Variants in NCAPD3 observed in about 807,000 individuals in gnomAD.
NCAPD3 encodes condensin-2 complex subunit D3.
Under a neutral mutation model 182.9 loss-of-function variants are expected in NCAPD3, and 105 were observed. That is an observed-to-expected ratio of 0.57 (90% CI 0.49 to 0.68). NCAPD3 has a LOEUF of 0.68. NCAPD3 is among the 30% of genes least tolerant of loss of function. The probability of loss-of-function intolerance (pLI) is 0.00; values close to 1 mark genes in which losing one functional copy is unlikely to be tolerated. For missense variants in NCAPD3, 1,944 were observed against 1,837.0 expected, an observed-to-expected ratio of 1.06 and a Z score of -1.07; for synonymous variants, 815 against 679.9, an observed-to-expected ratio of 1.20 and a Z score of -3.09.
intron 24 of NCAPD3, among the ~76,000 whole-genome samples, chr11:134,172,649 T>C (rs774177367): frequency 5.9e-5 from 9 of 152,172 alleles, no homozygotes; most frequent in Middle Eastern, 3.2e-3. Context: ...TACTTGGCTG[T>C]TGCCCTGTGA....
Position 134,209,088 on chromosome 11 carries a change from G to A in NCAPD3, c.794+57C>T. 4 of 1,551,960 alleles carry A rather than the reference G, an allele frequency of 2.6e-6. No individual in the cohort carries two copies. The South Asian group carries it at 4.6e-5, about 18-fold the overall frequency. ...TAAAATGGTATTTCCATTTCTGCTG[G>A]AGCAAAAATTGGTACACTATACTTA... On this transcript the variant is annotated intron_variant, in intron 6 of 34. Coordinates refer to ENST00000534548, the MANE Select transcript of NCAPD3 (RefSeq NM_015261.3).
chr11:134,224,426 G>A (rs1938372471), upstream of NCAPD3: 1 of 170,462 alleles, frequency 5.9e-6, no homozygotes, highest in Non-Finnish European at 1.3e-5. Context: ...GTAGCCGAAA[G>A]CACTCCGAGA....
intron 24 of NCAPD3, among the ~76,000 whole-genome samples, chr11:134,170,973 G>A (rs1473586804): frequency 6.6e-6 from 1 of 152,188 alleles, no homozygotes; most frequent in East Asian, 1.9e-4. Flanking sequence ...GGAGAAGAGG[G>A]ACTATTTTGT....
chr11:134,165,305 G>A (rs1435936940), intron 27 of NCAPD3, among the ~76,000 whole-genome samples: 1 of 151,052 alleles, frequency 6.6e-6, no homozygotes, highest in East Asian at 2.0e-4. Flanking sequence ...TAGGGAAGCT[G>A]CACACTCACT....
intron 1 of NCAPD3, among the ~76,000 whole-genome samples, chr11:134,221,851 G>T (rs986751115): frequency 7.2e-5 from 11 of 152,100 alleles, no homozygotes; most frequent in African/African-American, 2.7e-4. Context: ...CCCTGAAGGA[G>T]GGGGTCTCTG....
At chr11:134,214,790 T>C (rs1937957157) in intron 3 of NCAPD3, among the ~76,000 whole-genome samples, 1 of 152,166 alleles carries the variant, frequency 6.6e-6, no homozygotes. Flanking sequence ...TAGTGGGTTC[T>C]ACCAAACATC....
intron 22 of NCAPD3, 95 bp from the exon 23 acceptor site, chr11:134,177,552 T>C (rs1944200033): frequency 5.6e-6 from 6 of 1,072,608 alleles, no homozygotes; most frequent in Non-Finnish European, 6.8e-6. Context: ...TGGCTTCTAT[T>C]TCATCAAAGT....
intron 1 of NCAPD3, 27 bp downstream of exon 1, chr11:134,223,836 C>G: frequency 1.2e-6 from 2 of 1,608,686 alleles, no homozygotes; most frequent in Non-Finnish European, 8.5e-7. Flanking sequence ...GCCCTGGCCC[C>G]CGGGCCTCCC....
chr11:134,186,058 T>C (rs1944399642), intron 16 of NCAPD3: 1 of 152,044 alleles, frequency 6.6e-6, no homozygotes, highest in South Asian at 2.1e-4. Context: ...CATGGCAGGA[T>C]TGTAAATGAC....
chr11:134,194,278 T>G (rs1358560583), intron 14 of NCAPD3, 128 bp from the exon 15 acceptor site: 21 of 933,976 alleles, frequency 2.2e-5, no homozygotes, highest in Non-Finnish European at 3.3e-5. Flanking sequence ...GATCCAACCT[T>G]CCTCCTCACA....
At chr11:134,154,947 G>A (rs1943378511) in intron 32 of NCAPD3, among the ~76,000 whole-genome samples, 1 of 152,144 alleles carries the variant, frequency 6.6e-6, no homozygotes, top group African/African-American at 2.4e-5. Context: ...TCCTTGTGCT[G>A]TCACATGAAA....
Position 134,184,842 on chromosome 11 carries a change from CACACACA to C in NCAPD3, c.2335+54_2335+60del, listed in dbSNP as rs1944368856. On this transcript the variant is annotated intron_variant, in intron 18 of 34. Transcript: ENST00000534548. ...ACACACACACACACACACACACACA[CACACACA>C]CCTGAAATGAACAGCAATGCATTTT... 18 of 1,401,072 alleles carry C rather than the reference CACACACA, an allele frequency of 1.3e-5. No homozygotes were observed. The East Asian group carries it at 2.5e-4, about 20-fold the overall frequency. 86.8% of individuals were successfully genotyped at this position (1,401,072 alleles called of 1,614,324 possible).
intron 13 of NCAPD3, among the ~76,000 whole-genome samples, chr11:134,201,670 T>C (rs947099960): frequency 1.3e-5 from 2 of 152,204 alleles, no homozygotes; most frequent in African/African-American, 2.4e-5. Context: ...GTCCCCGAAC[T>C]TTCATAATTT....
At chr11:134,216,057 G>T (rs1421056680) in intron 3 of NCAPD3, among the ~76,000 whole-genome samples, 2 of 152,134 alleles carry the variant, frequency 1.3e-5, no homozygotes, top group African/African-American at 4.8e-5. Context: ...AGAGGAGAGT[G>T]AAACTGGGTT....
chr11:134,225,046 CCTT>C, upstream of NCAPD3: 6 of 1,414,686 alleles, frequency 4.2e-6, no homozygotes, highest in Non-Finnish European at 5.7e-6. Flanking sequence ...GGCCCTCTGG[CCTT>C]CTTTACCTAG....
At chr11:134,179,958 G>C (rs1348345399) in intron 20 of NCAPD3, among the ~76,000 whole-genome samples, 6 of 151,992 alleles carry the variant, frequency 3.9e-5, no homozygotes, top group Non-Finnish European at 7.4e-5. Context: ...TATGTATATA[G>C]GGCAAAACCT....
At chr11:134,214,662 C>T (rs1012548799) in intron 3 of NCAPD3, among the ~76,000 whole-genome samples, 2 of 152,132 alleles carry the variant, frequency 1.3e-5, no homozygotes, top group African/African-American at 4.8e-5. Flanking sequence ...AAATCTCGAT[C>T]TAGATTGATC....
At chr11:134,214,271 A>C (rs1433715651) in intron 3 of NCAPD3, among the ~76,000 whole-genome samples, 5 of 152,204 alleles carry the variant, frequency 3.3e-5, no homozygotes, top group Admixed American at 3.3e-4. Flanking sequence ...AGATTTCAGG[A>C]AAGTTCAAAT....
chr11:134,200,646 G>A (rs1328640166), intron 13 of NCAPD3, among the ~76,000 whole-genome samples: 1 of 152,130 alleles, frequency 6.6e-6, no homozygotes, highest in Non-Finnish European at 1.5e-5. Context: ...AAATGGTGTG[G>A]CCACTTTGAA....
Sources: gnomAD v4.1 joint callset for allele counts (sites outside exome capture counted in the v4.1 genomes callset) on GRCh38, gnomAD v4.1.1 for gene constraint, MANE v1.5 for transcripts, NCBI Gene and HGNC (gene_info 2026-07-23, HGNC 2026-07-21) for gene names.